CHSY3: variants seen among roughly 807,000 people sequenced by gnomAD.
CHSY3 encodes N-acetylgalactosaminyl-proteoglycan 3-beta-glucuronosyltransferase 3.
A neutral mutation model predicts 67.2 loss-of-function variants in CHSY3; 35 were observed. The observed-to-expected ratio is 0.52, with a 90% CI of 0.40 to 0.69. The LOEUF (loss-of-function observed/expected upper bound fraction) is 0.69, where lower values mean the gene tolerates loss of function less well. Ranked by LOEUF, CHSY3 falls within the 30% of genes least tolerant of loss-of-function variation. CHSY3 has a pLI of 0.00. For missense variants in CHSY3, 1,069 were observed against 1,138.5 expected, an observed-to-expected ratio of 0.94 and a Z score of 0.88; for synonymous variants, 474 against 434.7, an observed-to-expected ratio of 1.09 and a Z score of -1.12.
chr5:130,027,059 A>C (rs1764567303), intron 2 of CHSY3, among the ~76,000 whole-genome samples: 1 of 152,056 alleles, frequency 6.6e-6, no homozygotes, highest in Non-Finnish European at 1.5e-5. Flanking sequence ...AGGAACACTG[A>C]CTAAATTTGT....
intron 2 of CHSY3, among the ~76,000 whole-genome samples, chr5:129,966,081 T>C (rs1292980625): frequency 6.6e-6 from 1 of 151,816 alleles, no homozygotes; most frequent in Non-Finnish European, 1.5e-5. Context: ...TAGTCTGTAT[T>C]TGTATTATAG....
intron 2 of CHSY3, among the ~76,000 whole-genome samples, chr5:129,944,348 C>T (rs1328017528): frequency 1.3e-5 from 2 of 151,564 alleles, no homozygotes; most frequent in Non-Finnish European, 2.9e-5. Context: ...TGTAGATGGT[C>T]TTATAAATTG....
At chr5:130,024,253 A>T (rs1356472389) in intron 2 of CHSY3, among the ~76,000 whole-genome samples, 1 of 152,046 alleles carries the variant, frequency 6.6e-6, no homozygotes, top group African/African-American at 2.4e-5. Context: ...ATTAGAAATA[A>T]AATATCAAGT....
chr5:130,057,381 A>G (rs1299147803), intron 2 of CHSY3, among the ~76,000 whole-genome samples: 1 of 152,034 alleles, frequency 6.6e-6, no homozygotes, highest in African/African-American at 2.4e-5. Flanking sequence ...AAACTTCCCT[A>G]GTTATAATTA....
chr5:130,090,168 C>A (rs1275818926), intron 2 of CHSY3, among the ~76,000 whole-genome samples: 1 of 152,146 alleles, frequency 6.6e-6, no homozygotes, highest in Non-Finnish European at 1.5e-5. Flanking sequence ...TCACTATTTG[C>A]CTTCCTCTTC....
intron 2 of CHSY3, among the ~76,000 whole-genome samples, chr5:130,076,136 C>T (rs1245089197): frequency 6.6e-6 from 1 of 152,032 alleles, no homozygotes; most frequent in Non-Finnish European, 1.5e-5. Context: ...CTTCTATGCG[C>T]TTGCATATAT....
intron 2 of CHSY3, among the ~76,000 whole-genome samples, chr5:129,947,921 T>C (rs1761908927): frequency 6.6e-6 from 1 of 152,170 alleles, no homozygotes; most frequent in Non-Finnish European, 1.5e-5. Context: ...TTTGGGAAAA[T>C]ATCTATGTTC....
chr5:130,031,439 C>T lies in CHSY3; in HGVS notation c.1086+123079C>T, dbSNP rs536434853. 8.5e-5 allele frequency among the ~76,000 whole-genome samples: 13 copies of T among 152,078 alleles called. 1 individual carries two copies. The highest frequency in any genetic ancestry group is 3.1e-4 in the African/African-American group (13 of 41,488). On this transcript the variant is annotated intron_variant, in intron 2 of 2. Coordinates refer to ENST00000305031, the MANE Select transcript of CHSY3 (RefSeq NM_175856.5). ...GCACAAAATATTTACTAGAACATCC[C>T]CCAGATTAACTTTCTACTGTTAAAG...
At chr5:129,913,238 C>T (rs1295377583) in intron 2 of CHSY3, among the ~76,000 whole-genome samples, 1 of 152,156 alleles carries the variant, frequency 6.6e-6, no homozygotes, top group Non-Finnish European at 1.5e-5. Flanking sequence ...ACTCTTCTTT[C>T]ACGTTTATTT....
At chr5:129,993,422 G>A (rs1481307681) in intron 2 of CHSY3, among the ~76,000 whole-genome samples, 1 of 152,258 alleles carries the variant, frequency 6.6e-6, no homozygotes, top group African/African-American at 2.4e-5. Context: ...ATTTAGGATA[G>A]TTAGCTCTTC....
chr5:130,134,216 A>C (rs1249097592), intron 2 of CHSY3, among the ~76,000 whole-genome samples: 1 of 152,164 alleles, frequency 6.6e-6, no homozygotes, highest in Non-Finnish European at 1.5e-5. Flanking sequence ...CTAATCTTCA[A>C]GTTATTACTA....
intron 2 of CHSY3, among the ~76,000 whole-genome samples, chr5:130,003,442 A>T (rs1442166506): frequency 2.6e-5 from 4 of 152,204 alleles, no homozygotes; most frequent in Non-Finnish European, 5.9e-5. Flanking sequence ...AATAAAAAAT[A>T]TCATAAGCCT....
At chr5:130,136,548 G>A (rs1401555998) in intron 2 of CHSY3, among the ~76,000 whole-genome samples, 1 of 152,136 alleles carries the variant, frequency 6.6e-6, no homozygotes, top group Non-Finnish European at 1.5e-5. Flanking sequence ...ATGAGCTGAT[G>A]AGATACAGAC....
At chr5:130,038,375 ACTT>A (rs200246182) in intron 2 of CHSY3, among the ~76,000 whole-genome samples, 2,368 of 152,224 alleles carry the variant, frequency 0.016, 75 homozygotes, top group African/African-American at 0.055. Flanking sequence ...TCGAAAATAG[ACTT>A]CTTAAAGTAC....
chr5:129,947,184 TA>T (rs1230445103), intron 2 of CHSY3, among the ~76,000 whole-genome samples: 3 of 152,092 alleles, frequency 2.0e-5, no homozygotes, highest in Non-Finnish European at 2.9e-5. Flanking sequence ...TGCCCAGTGA[TA>T]GGGGGAAAAG....
rs184334286 is a variant in CHSY3, at chr5:130,002,817, G to A, written c.1086+94457G>A. On this transcript the variant is annotated intron_variant, in intron 2 of 2. Transcript: ENST00000305031. Reference sequence around the variant, plus strand: ...AAAATAATTAACAGGTATTAAGCTTGATTTTTTTCCCTTTTTGGGAGGGGC... The same window carrying A: ...AAAATAATTAACAGGTATTAAGCTTAATTTTTTTCCCTTTTTGGGAGGGGC... Among the ~76,000 whole-genome samples the A allele has an allele frequency of 4.2e-4, 63 of 151,770 alleles. 1 individual carries two copies. The highest frequency in any genetic ancestry group is 1.2e-4 in the Non-Finnish European group (8 of 67,868).
chr5:129,959,796 GT>G (rs1762279334), intron 2 of CHSY3, among the ~76,000 whole-genome samples: 1 of 151,934 alleles, frequency 6.6e-6, no homozygotes, highest in African/African-American at 2.4e-5. Flanking sequence ...TGTTCATTTT[GT>G]TACAGTTTAA....
At chr5:129,956,739 T>G (rs183401999) in intron 2 of CHSY3, among the ~76,000 whole-genome samples, 1 of 151,036 alleles carries the variant, frequency 6.6e-6, no homozygotes, top group African/African-American at 2.4e-5. Context: ...CGTTGCTTGG[T>G]TTTTTTTTCA....
At position 130,143,784 on chromosome 5, in the gene CHSY3, G is replaced by GTGTA. The variant is rs1179526892; in HGVS notation, c.1087-40444_1087-40443insGTAT. ...TGTGTGTGTGTATATATATATATGT[G>GTGTA]TATATATATATATATATATATGTGT... is the stretch of plus-strand genomic sequence containing the variant. On this transcript the variant is annotated intron_variant, in intron 2 of 2. Transcript: ENST00000305031. Among the ~76,000 whole-genome samples the GTGTA allele has an allele frequency of 8.0e-4, 59 of 73,828 alleles. 1 individual carries two copies. The highest frequency in any genetic ancestry group is 3.7e-3 in the East Asian group (6 of 1,618). The allele number at this position is 73,828 out of a possible 152,430, so 48.4% of individuals were successfully genotyped here. A position where few individuals can be genotyped will look rare whatever the true frequency, so the allele number is the denominator to read the frequency against.
Sources: allele counts gnomAD v4.1 joint callset (sites outside exome capture counted in the v4.1 genomes callset), GRCh38; gene constraint gnomAD v4.1.1; transcripts MANE v1.5; gene names NCBI Gene and HGNC (gene_info 2026-07-23, HGNC 2026-07-21).